The following MGAT4C variants were observed in gnomAD, a reference collection of about 807,000 sequenced individuals.
The protein encoded by MGAT4C is MGAT4 family member C, also known as alpha-1,3-mannosyl-glycoprotein 4-beta-N-acetylglucosaminyltransferase C.
In MGAT4C, 19 loss-of-function variants were observed where a neutral mutation model predicts 40.1. The observed-to-expected ratio is 0.47, with a 90% CI of 0.33 to 0.70. The LOEUF (loss-of-function observed/expected upper bound fraction) is 0.70. Ranked by LOEUF, MGAT4C falls within the 30% of genes least tolerant of loss-of-function variation. The pLI is 0.02. For synonymous variants in MGAT4C, 181 were observed against 187.1 expected, an observed-to-expected ratio of 0.97 and a Z score of 0.27; for missense variants, 491 against 563.2, an observed-to-expected ratio of 0.87 and a Z score of 1.30.
At chr12:86,389,452 G>T (rs995783363) in intron 3 of MGAT4C, among the ~76,000 whole-genome samples, 6 of 152,102 alleles carry the variant, frequency 3.9e-5, no homozygotes, top group Non-Finnish European at 1.5e-5. Context: ...CATTGATGGG[G>T]TATTTAGGTT....
At chr12:86,088,782 T>C (rs758295631) in intron 1 of MGAT4C, among the ~76,000 whole-genome samples, 1 of 152,050 alleles carries the variant, frequency 6.6e-6, no homozygotes, top group Non-Finnish European at 1.5e-5. Flanking sequence ...GGAACACTTA[T>C]ACACTACTGG....
intron 2 of MGAT4C, among the ~76,000 whole-genome samples, chr12:86,696,100 T>C (rs1297827342): frequency 6.6e-6 from 1 of 151,614 alleles, no homozygotes; most frequent in Non-Finnish European, 1.5e-5. Context: ...TATTCCCAAC[T>C]ACTGGGGAGG....
chr12:86,430,871 A>G (rs1759374674), intron 3 of MGAT4C, among the ~76,000 whole-genome samples: 1 of 152,152 alleles, frequency 6.6e-6, no homozygotes, highest in Non-Finnish European at 1.5e-5. Flanking sequence ...GAGTGAAGAT[A>G]CTACTTGATT....
chr12:86,470,240 G>A (rs1480652529), intron 2 of MGAT4C, among the ~76,000 whole-genome samples: 1 of 152,092 alleles, frequency 6.6e-6, no homozygotes. Flanking sequence ...TACTTCTAGA[G>A]GTGAAGAAAA....
chr12:86,050,829 A>T (rs534607759), intron 1 of MGAT4C, among the ~76,000 whole-genome samples: 1 of 151,986 alleles, frequency 6.6e-6, no homozygotes, highest in East Asian at 1.9e-4. Context: ...GTATTTTGGG[A>T]TTCTCATGTC....
At chr12:86,539,161 C>T (rs1959129994) in intron 2 of MGAT4C, among the ~76,000 whole-genome samples, 2 of 151,820 alleles carry the variant, frequency 1.3e-5, no homozygotes, top group South Asian at 4.2e-4. Flanking sequence ...TCTCCTAATG[C>T]TATCCCTTCC....
intron 2 of MGAT4C, among the ~76,000 whole-genome samples, chr12:86,647,700 C>A (rs1028295382): frequency 1.3e-5 from 2 of 151,786 alleles, no homozygotes; most frequent in African/African-American, 4.8e-5. Flanking sequence ...AGAATGATAA[C>A]AAGTATTTTG....
At chr12:86,039,050 A>C (rs1469470287) in intron 2 of MGAT4C, among the ~76,000 whole-genome samples, 1 of 142,948 alleles carries the variant, frequency 7.0e-6, no homozygotes, top group Non-Finnish European at 1.6e-5. Flanking sequence ...AAGAATGTTG[A>C]ATATTGGCCC....
At chr12:86,215,776 TG>T (rs754266684) in intron 1 of MGAT4C, among the ~76,000 whole-genome samples, 19 of 152,096 alleles carry the variant, frequency 1.2e-4, no homozygotes, top group Admixed American at 3.3e-4. Flanking sequence ...GTGTCAAAAG[TG>T]GGGTCCAAAG....
intron 3 of MGAT4C, among the ~76,000 whole-genome samples, chr12:86,338,285 G>A (rs930118073): frequency 1.3e-5 from 2 of 152,098 alleles, no homozygotes; most frequent in African/African-American, 4.8e-5. Flanking sequence ...TTCCTGAGTG[G>A]GGGCTACAAG....
intron 2 of MGAT4C, among the ~76,000 whole-genome samples, chr12:86,536,626 G>T (rs1292892912): frequency 6.6e-6 from 1 of 152,240 alleles, no homozygotes; most frequent in Admixed American, 6.5e-5. Flanking sequence ...CAAAAATTTA[G>T]TTGAGGACAA....
chr12:86,053,423 G>A (rs1893083042), intron 1 of MGAT4C, among the ~76,000 whole-genome samples: 1 of 151,786 alleles, frequency 6.6e-6, no homozygotes, highest in Non-Finnish European at 1.5e-5. Flanking sequence ...CCCCTGGGCA[G>A]TATTCAAACA....
chr12:86,582,775 A>T (rs987068196), intron 2 of MGAT4C, among the ~76,000 whole-genome samples: 4 of 151,222 alleles, frequency 2.6e-5, no homozygotes, highest in Non-Finnish European at 5.9e-5. Context: ...TAGAGTCCCA[A>T]GGACATTGGG....
chr12:86,714,461 G>A (rs867074095), intron 2 of MGAT4C, among the ~76,000 whole-genome samples: 2 of 152,028 alleles, frequency 1.3e-5, no homozygotes, highest in Admixed American at 1.3e-4. Context: ...GGAGGGACCC[G>A]GTGGGAGATA....
At chr12:86,509,309 T>A (rs1441413510) in intron 2 of MGAT4C, among the ~76,000 whole-genome samples, 4 of 152,062 alleles carry the variant, frequency 2.6e-5, no homozygotes, top group Admixed American at 6.6e-5. Context: ...ACCATTTATT[T>A]AATAGGGAAT....
At chr12:86,086,113 C>G (rs1484775177) in intron 1 of MGAT4C, among the ~76,000 whole-genome samples, 1 of 152,110 alleles carries the variant, frequency 6.6e-6, no homozygotes, top group East Asian at 1.9e-4. Flanking sequence ...CAGCACTATT[C>G]ACAATAGCAA....
At chr12:86,835,755 T>C (rs1257210705) in intron 1 of MGAT4C, among the ~76,000 whole-genome samples, 5 of 151,978 alleles carry the variant, frequency 3.3e-5, no homozygotes. Flanking sequence ...ACAGGTTCTT[T>C]AATTGCAAAC....
intron 1 of MGAT4C, among the ~76,000 whole-genome samples, chr12:86,761,667 T>C (rs1287950543): frequency 6.6e-6 from 1 of 152,080 alleles, no homozygotes; most frequent in East Asian, 1.9e-4. Context: ...AGAATTAATT[T>C]TCTTGACTTT....
At position 85,980,299 on chromosome 12, in the gene MGAT4C, C is replaced by T; in HGVS notation, c.427G>A (p.Asp143Asn). ...GCATCACGCCAGGAAGAATTAAAGT[C>T]TGCTAGGTGAACCACCACTGAAATT... is the stretch of plus-strand genomic sequence containing the variant. ...KEISVVVHLADFNSSWRDAMV... is the reference protein window; with the variant it reads ...KEISVVVHLANFNSSWRDAMV... The change falls in exon 5 of 5, where the codon GAC becomes AAC. Residue 143 changes from aspartate (D) to asparagine (N), a missense_variant. Physicochemically the swap from Asp to Asn is conservative, Grantham distance 23. Transcript: ENST00000611864. The T allele has an allele frequency of 6.2e-7, 1 of 1,613,954 alleles. No individual in the cohort carries two copies. Among genetic ancestry groups the T allele is most frequent in the African/African-American group, 1.3e-5 (1 of 75,030 alleles).
Sources: allele counts gnomAD v4.1 joint callset (sites outside exome capture counted in the v4.1 genomes callset), GRCh38; gene constraint gnomAD v4.1.1; transcripts MANE v1.5; gene names NCBI Gene and HGNC (gene_info 2026-07-23, HGNC 2026-07-21).